The following CEMIP variants were observed in gnomAD, a reference collection of about 807,000 sequenced individuals.
CEMIP encodes the protein cell migration inducing hyaluronidase 1, also known as cell migration-inducing and hyaluronan-binding protein.
Under a neutral mutation model 156.9 loss-of-function variants are expected in CEMIP, and 105 were observed. The observed-to-expected ratio is 0.67, with a 90% CI of 0.57 to 0.79. The LOEUF (loss-of-function observed/expected upper bound fraction) is 0.79, where lower values mean the gene tolerates loss of function less well. Among genes scored for constraint, CEMIP ranks in the 30% least tolerant of loss-of-function variants. The probability of loss-of-function intolerance (pLI) is 0.00; values close to 1 mark genes in which losing one functional copy is unlikely to be tolerated. For missense variants in CEMIP, 1,457 were observed against 1,769.4 expected (o/e 0.82, Z 3.17); for synonymous variants, 676 against 668.4 (o/e 1.01, Z -0.17).
At chr15:80,928,283 G>C (rs1900767441) in intron 19 of CEMIP, among the ~76,000 whole-genome samples, 1 of 152,096 alleles carries the variant, frequency 6.6e-6, no homozygotes, top group African/African-American at 2.4e-5. Flanking sequence ...CTCGCAATCA[G>C]ACGCCCCCCA....
Position 80,855,789 on chromosome 15 carries a change from C to T in CEMIP, c.-175-17749C>T, listed in dbSNP as rs1455774697. Reference sequence around the variant, plus strand: ...CTGCCTGCCTCAGCCTCTGAAAGTGCTGGGATTACAGGTGTGAGCCACCGC... The same window carrying T: ...CTGCCTGCCTCAGCCTCTGAAAGTGTTGGGATTACAGGTGTGAGCCACCGC... On this transcript the variant is annotated intron_variant, in intron 1 of 29. Coordinates refer to ENST00000394685, the MANE Select transcript of CEMIP (RefSeq NM_001293298.2). 3.9e-5 allele frequency among the ~76,000 whole-genome samples: 6 copies of T among 152,212 alleles called. No individual in the cohort carries two copies. In the South Asian group the frequency reaches 1.2e-3, roughly 31 times the overall value.
chr15:80,885,589 T>G (rs1054277448), intron 7 of CEMIP, among the ~76,000 whole-genome samples: 3 of 152,204 alleles, frequency 2.0e-5, no homozygotes, highest in Admixed American at 6.5e-5. Flanking sequence ...AGAAAGTGGC[T>G]AAGGGCCCAA....
intron 1 of CEMIP, among the ~76,000 whole-genome samples, chr15:80,783,965 T>C (rs996711124): frequency 1.3e-5 from 2 of 152,200 alleles, no homozygotes; most frequent in African/African-American, 4.8e-5. Flanking sequence ...GTCCCTAGAC[T>C]CAGCTTGGCT....
chr15:80,887,586 A>G, intron 7 of CEMIP, 108 bp from the exon 8 acceptor site: 106 of 700,142 alleles, frequency 1.5e-4, no homozygotes, highest in Non-Finnish European at 2.4e-4. Flanking sequence ...GCAGGGAGGG[A>G]CCCTCCTTCA....
At chr15:80,824,700 C>T (rs1896991356) in intron 1 of CEMIP, among the ~76,000 whole-genome samples, 1 of 152,170 alleles carries the variant, frequency 6.6e-6, no homozygotes, top group Non-Finnish European at 1.5e-5. Flanking sequence ...TTAATATTGT[C>T]TTGATTCACT....
At chr15:80,928,763 G>A (rs377013364) in intron 19 of CEMIP, 139 bp from the exon 20 acceptor site, 25 of 1,078,004 alleles carry the variant, frequency 2.3e-5, no homozygotes, top group East Asian at 1.3e-4. Context: ...CCCTGAGCAC[G>A]ACTCTGCTTA....
intron 1 of CEMIP, among the ~76,000 whole-genome samples, chr15:80,799,586 A>C (rs1428395981): frequency 6.6e-6 from 1 of 152,260 alleles, no homozygotes; most frequent in Admixed American, 6.5e-5. Flanking sequence ...AGGAAAAGAA[A>C]TCAATATATT....
At chr15:80,861,123 T>C (rs1370058287) in intron 1 of CEMIP, among the ~76,000 whole-genome samples, 1 of 152,158 alleles carries the variant, frequency 6.6e-6, no homozygotes, top group Non-Finnish European at 1.5e-5. Flanking sequence ...GCAGGGTCTT[T>C]TCCTGAGTTG....
Position 80,842,681 on chromosome 15 carries a change from G to A in CEMIP, c.-175-30857G>A, listed in dbSNP as rs144836520. Reference sequence around the variant, plus strand: ...TGGGAGGCAGAGGTTGCAGTGAGCCGTGATTGTGCCATTGCACTCCAGCCT... The same window carrying A: ...TGGGAGGCAGAGGTTGCAGTGAGCCATGATTGTGCCATTGCACTCCAGCCT... On this transcript the variant is annotated intron_variant, in intron 1 of 29. Transcript: ENST00000394685. 7.0e-3 allele frequency among the ~76,000 whole-genome samples: 1,069 copies of A among 152,184 alleles called. 14 individuals are homozygous for A. Among genetic ancestry groups the A allele is most frequent in the African/African-American group, 0.024 (1,005 of 41,520 alleles).
chr15:80,901,831 T>C (rs1352730500), intron 12 of CEMIP, among the ~76,000 whole-genome samples: 1 of 152,162 alleles, frequency 6.6e-6, no homozygotes, highest in Non-Finnish European at 1.5e-5. Flanking sequence ...CAGGAAGTTC[T>C]AGTGGGCGGC....
chr15:80,893,095 A>AG (rs1255277538), intron 10 of CEMIP, among the ~76,000 whole-genome samples: 2 of 151,978 alleles, frequency 1.3e-5, no homozygotes, highest in Non-Finnish European at 2.9e-5. Context: ...GCTGAGGCAG[A>AG]AGAATCGCTT....
chr15:80,836,044 T>C (rs887930442), intron 1 of CEMIP, among the ~76,000 whole-genome samples: 1 of 151,824 alleles, frequency 6.6e-6, no homozygotes, highest in African/African-American at 2.4e-5. Flanking sequence ...TGGCTCATAC[T>C]TGGTATATTT....
intron 12 of CEMIP, among the ~76,000 whole-genome samples, chr15:80,901,440 G>A (rs532655535): frequency 2.6e-5 from 4 of 152,106 alleles, no homozygotes. Flanking sequence ...GGTGGCTTAC[G>A]CTTGTAATCC....
rs768289825 is a variant in CEMIP at position 80,909,103 on chromosome 15, C to G, written c.1594C>G (p.Leu532Val). 20 of 1,613,744 alleles carry G rather than the reference C, an allele frequency of 1.2e-5. No homozygotes were observed. The highest frequency in any genetic ancestry group is 1.5e-5 in the Non-Finnish European group (18 of 1,179,992). Residue 532 changes from leucine (L) to valine (V), a missense_variant, in exon 14 of 30, where the codon CTG becomes GTG. By Grantham distance (32) the Leu-to-Val change is conservative. This residue lies in a region of CEMIP where 280 missense variants were observed against 300.3 expected (regional missense o/e 0.93). Coordinates refer to ENST00000394685, the MANE Select transcript of CEMIP (RefSeq NM_001293298.2). ...DTFGGHIKFA[L>V]GFKAAHLEGT... ...CTCGGTTCTCCTCTCCTAGTTTGCT[C>G]TGGGATTTAAGGCAGCACACTTGGA...
At chr15:80,837,876 C>G (rs1226440036) in intron 1 of CEMIP, among the ~76,000 whole-genome samples, 1 of 152,202 alleles carries the variant, frequency 6.6e-6, no homozygotes, top group Non-Finnish European at 1.5e-5. Context: ...AAATACCACC[C>G]CTGCACAGAC....
chr15:80,816,916 C>T (rs1233068753), intron 1 of CEMIP, among the ~76,000 whole-genome samples: 1 of 152,062 alleles, frequency 6.6e-6, no homozygotes, highest in Non-Finnish European at 1.5e-5. Flanking sequence ...GGTTCTCGCT[C>T]CTCAGGCTTC....
chr15:80,916,815 T>C (rs1414428115), intron 14 of CEMIP, among the ~76,000 whole-genome samples: 3 of 152,200 alleles, frequency 2.0e-5, no homozygotes, highest in African/African-American at 7.2e-5. Context: ...ACCCGAGGGC[T>C]GTCCTCGGCC....
intron 1 of CEMIP, among the ~76,000 whole-genome samples, chr15:80,871,106 A>G (rs555966101): frequency 1.3e-5 from 2 of 152,332 alleles, no homozygotes; most frequent in East Asian, 1.9e-4. Context: ...TTAATGGCCA[A>G]TGGAGAATGC....
intron 18 of CEMIP, among the ~76,000 whole-genome samples, chr15:80,925,349 T>C (rs1008699591): frequency 6.6e-6 from 1 of 152,224 alleles, no homozygotes; most frequent in Admixed American, 6.5e-5. Context: ...TTTGTGGGAA[T>C]GGCTGTCTGA....
Sources: allele counts gnomAD v4.1 joint callset (sites outside exome capture counted in the v4.1 genomes callset), GRCh38; gene constraint gnomAD v4.1.1; regional missense constraint gnomAD v4.1.1; transcripts MANE v1.5; gene names NCBI Gene and HGNC (gene_info 2026-07-23, HGNC 2026-07-21).